DOCK3: variants seen among roughly 807,000 people sequenced by gnomAD.
DOCK3 encodes the protein dedicator of cytokinesis protein 3.
In DOCK3, 60 loss-of-function variants were observed where a neutral mutation model predicts 265.6. The observed-to-expected ratio is 0.23, with a 90% CI of 0.18 to 0.28. The LOEUF (loss-of-function observed/expected upper bound fraction) is 0.28. Ranked by LOEUF, DOCK3 falls within the 10% of genes least tolerant of loss-of-function variation. The pLI, the probability that DOCK3 is intolerant of heterozygous loss-of-function variation, is 1.00. For missense variants in DOCK3, 1,981 were observed against 2,594.3 expected (o/e 0.76, Z 5.14); for synonymous variants, 881 against 938.0 (o/e 0.94, Z 1.11).
At chr3:50,989,385 G>T (rs945078886) in intron 5 of DOCK3, among the ~76,000 whole-genome samples, 6 of 152,064 alleles carry the variant, frequency 3.9e-5, no homozygotes, top group Non-Finnish European at 1.5e-5. Flanking sequence ...CTAGCAGTCA[G>T]GGGGGAGAGG....
intron 9 of DOCK3, among the ~76,000 whole-genome samples, chr3:51,113,701 T>TA (rs759377719): frequency 1.3e-5 from 2 of 152,332 alleles, no homozygotes; most frequent in Admixed American, 1.3e-4. Context: ...CCAACACTGA[T>TA]ACTCAGAATT....
At chr3:50,791,656 A>T (rs2042485631) in intron 2 of DOCK3, among the ~76,000 whole-genome samples, 1 of 152,194 alleles carries the variant, frequency 6.6e-6, no homozygotes, top group African/African-American at 2.4e-5. Context: ...ATGGTTAGCC[A>T]GTTATCCCAG....
In DOCK3 at chr3:51,362,443, A is replaced by C. The variant is rs960137199; in HGVS notation, c.5146-84A>C. The stretch of plus-strand genomic sequence containing the variant: ...ATAAGGCACTGGGGCAGAACACCTC[A>C]GGGCATGAAAAAGCAAACTCTGTGC... On this transcript the variant is annotated intron_variant, in intron 48 of 52. Transcript: ENST00000266037. 1.9e-6 allele frequency: 3 copies of C among 1,561,926 alleles called. No homozygotes were observed. In the Admixed American group the frequency reaches 5.2e-5, roughly 27 times the overall value.
intron 25 of DOCK3, among the ~76,000 whole-genome samples, chr3:51,275,960 A>G (rs934119688): frequency 1.3e-5 from 2 of 152,210 alleles, no homozygotes; most frequent in African/African-American, 4.8e-5. Context: ...AACTATAGAA[A>G]AGCATAAGGA....
chr3:51,284,002 G>A (rs548068964), intron 27 of DOCK3, among the ~76,000 whole-genome samples: 11 of 151,856 alleles, frequency 7.2e-5, no homozygotes, highest in African/African-American at 2.7e-4. Flanking sequence ...ACTTACATTC[G>A]TGAGTTAAAG....
At chr3:50,756,642 A>G (rs1352235164) in intron 1 of DOCK3, among the ~76,000 whole-genome samples, 3 of 151,958 alleles carry the variant, frequency 2.0e-5, no homozygotes, top group Admixed American at 1.3e-4. Flanking sequence ...TAACCAAGCT[A>G]TTTTTCACAG....
intron 1 of DOCK3, among the ~76,000 whole-genome samples, chr3:50,738,001 A>G (rs75851136): frequency 0.11 from 16,573 of 152,202 alleles, 1,183 homozygotes; most frequent in Non-Finnish European, 0.16. Flanking sequence ...GTGCATTTGA[A>G]AAAATAGGCA....
rs563242690 is a variant in DOCK3 at position 51,117,580 on chromosome 3, A to T, written c.746+27196A>T. ...ATACCTCTAGTAGAAATCGGCTGTG[A>T]ATCCATCTGATCCTCGGGTTTTTTT... On this transcript the variant is annotated intron_variant, in intron 9 of 52. Coordinates refer to ENST00000266037, the MANE Select transcript of DOCK3 (RefSeq NM_004947.5). 4.6e-5 allele frequency among the ~76,000 whole-genome samples: 7 copies of T among 152,268 alleles called. No individual in the cohort carries two copies. The South Asian group carries it at 1.5e-3, about 32-fold the overall frequency.
rs1481926267 is a variant in DOCK3 at position 50,859,214 on chromosome 3, T to G, written c.162+17499T>G. Among the ~76,000 whole-genome samples the G allele has an allele frequency of 4.2e-5, 5 of 118,572 alleles. No homozygotes were observed. In the East Asian group the frequency reaches 7.0e-4, roughly 17 times the overall value. 77.8% of individuals were successfully genotyped at this position (118,572 alleles called of 152,430 possible). A position where few individuals can be genotyped will look rare whatever the true frequency, so the allele number is the denominator to read the frequency against. ...TCTTGTTGGAGAACTGGTATGGTTT[T>G]TTTTTTTTTTTTTTTTTTTTGAGAC... On this transcript the variant is annotated intron_variant, in intron 3 of 52. Coordinates refer to ENST00000266037, the MANE Select transcript of DOCK3 (RefSeq NM_004947.5).
intron 4 of DOCK3, among the ~76,000 whole-genome samples, chr3:50,931,298 T>A (rs2051055432): frequency 6.6e-6 from 1 of 152,246 alleles, no homozygotes; most frequent in Non-Finnish European, 1.5e-5. Context: ...CATGAATCTT[T>A]ATCTGACTGC....
rs74388764 is a variant in DOCK3, at chr3:51,212,753, T to G, written c.1127-1369T>G. ...GCTTAAGATAATTACTTTAGAGGGG[T>G]TGAAATCTTAAACACTGATTATCTA... On this transcript the variant is annotated intron_variant, in intron 13 of 52. Transcript: ENST00000266037. Among the ~76,000 whole-genome samples, 29 of 152,236 alleles carry G rather than the reference T, an allele frequency of 1.9e-4. No homozygotes were observed. In the East Asian group the frequency reaches 4.4e-3, roughly 23 times the overall value.
chr3:51,089,575 C>T (rs1025423427), intron 8 of DOCK3, among the ~76,000 whole-genome samples: 3 of 152,066 alleles, frequency 2.0e-5, no homozygotes, highest in Non-Finnish European at 4.4e-5. Context: ...AAATCAAGCG[C>T]ATTGGGGTCA....
At chr3:50,748,339 G>A (rs1038101761) in intron 1 of DOCK3, among the ~76,000 whole-genome samples, 4 of 152,022 alleles carry the variant, frequency 2.6e-5, no homozygotes, top group Admixed American at 2.6e-4. Flanking sequence ...GAAAGGATTC[G>A]GTCTTGTAAA....
At chr3:51,096,647 A>G (rs886542615) in intron 9 of DOCK3, among the ~76,000 whole-genome samples, 3 of 152,172 alleles carry the variant, frequency 2.0e-5, no homozygotes, top group African/African-American at 7.2e-5. Flanking sequence ...ACTTCTGTCA[A>G]TTCACCAAAC....
At chr3:50,925,061 C>T (rs986885529) in intron 4 of DOCK3, among the ~76,000 whole-genome samples, 1 of 151,710 alleles carries the variant, frequency 6.6e-6, no homozygotes, top group African/African-American at 2.4e-5. Flanking sequence ...TATTCTATCT[C>T]CATTCTGATT....
At chr3:50,907,851 CCTT>C (rs970011512) in intron 4 of DOCK3, among the ~76,000 whole-genome samples, 15 of 151,886 alleles carry the variant, frequency 9.9e-5, no homozygotes, top group East Asian at 3.9e-4. Flanking sequence ...AGCTGTATAT[CCTT>C]CTGGTTTGGA....
At chr3:51,067,461 G>C (rs1043044900) in intron 6 of DOCK3, among the ~76,000 whole-genome samples, 1 of 151,804 alleles carries the variant, frequency 6.6e-6, no homozygotes, top group African/African-American at 2.4e-5. Context: ...GTGTGTGCGC[G>C]CGCGTTGGAG....
At chr3:50,783,362 A>C (rs1302725080) in intron 2 of DOCK3, among the ~76,000 whole-genome samples, 1 of 151,784 alleles carries the variant, frequency 6.6e-6, no homozygotes, top group African/African-American at 2.4e-5. Flanking sequence ...TTAAATTATG[A>C]TCATTCTTGC....
chr3:51,305,960 C>T (rs1479630624), intron 27 of DOCK3, among the ~76,000 whole-genome samples: 4 of 149,294 alleles, frequency 2.7e-5, no homozygotes, highest in Non-Finnish European at 3.0e-5. Flanking sequence ...CCACCTCAGC[C>T]TCCCAAGTCA....
Sources: allele counts gnomAD v4.1 joint callset (sites outside exome capture counted in the v4.1 genomes callset), GRCh38; gene constraint gnomAD v4.1.1; transcripts MANE v1.5; gene names NCBI Gene and HGNC (gene_info 2026-07-23, HGNC 2026-07-21).